EXT1: variants seen among roughly 807,000 people sequenced by gnomAD.
The protein encoded by EXT1 is exostosin glycosyltransferase 1.
EXT1 carries 20 observed loss-of-function variants against 82.5 expected under a neutral mutation model. The observed-to-expected ratio is 0.24, with a 90% CI of 0.17 to 0.35. The LOEUF is 0.35. Among genes scored for constraint, EXT1 ranks in the 10% least tolerant of loss-of-function variants. The pLI is 1.00. For missense variants in EXT1, 757 were observed against 936.5 expected (o/e 0.81, Z 2.50); for synonymous variants, 348 against 350.8 (o/e 0.99, Z 0.09).
chr8:117,987,452 G>A (rs544040337), intron 1 of EXT1, among the ~76,000 whole-genome samples: 1 of 152,358 alleles, frequency 6.6e-6, no homozygotes, highest in South Asian at 2.1e-4. Context: ...GAATGTTCCA[G>A]ACACTGGCAC....
chr8:117,826,142 T>G (rs1339733524), intron 4 of EXT1, among the ~76,000 whole-genome samples: 1 of 152,200 alleles, frequency 6.6e-6, no homozygotes, highest in Admixed American at 6.5e-5. Context: ...ATTACCAAGA[T>G]GCAGCATTAG....
chr8:117,951,761 C>G (rs1185978799), intron 1 of EXT1, among the ~76,000 whole-genome samples: 1 of 152,190 alleles, frequency 6.6e-6, no homozygotes, highest in East Asian at 1.9e-4. Context: ...ATGGCCAAAT[C>G]TGGCCTGCCA....
In EXT1 at chr8:117,799,838, C is replaced by T; in HGVS notation, c.2115G>A (p.Met705Ile). The change falls in exon 11 of 11, where the codon ATG becomes ATA. Residue 705 changes from methionine to isoleucine, a missense_variant. Physicochemically the swap from Met to Ile is conservative, Grantham distance 10. This residue lies in a region of EXT1 where 128 missense variants were observed against 223.2 expected (regional missense o/e 0.57). Transcript: ENST00000378204. ...PDHFAQRQSC[M>I]NTFASWFGYM... Reference sequence around the variant, plus strand: ...AGCCAAACCAGCTGGCAAACGTATTCATGCAGCTCTGTCGCTGGGCAAAGT... The same window carrying T: ...AGCCAAACCAGCTGGCAAACGTATTTATGCAGCTCTGTCGCTGGGCAAAGT... The T allele has an allele frequency of 1.9e-6, 3 of 1,614,202 alleles. No individual in the cohort carries two copies. In the East Asian group the frequency reaches 6.7e-5, roughly 36 times the overall value.
intron 1 of EXT1, among the ~76,000 whole-genome samples, chr8:118,054,102 C>T (rs1159136590): frequency 2.0e-5 from 3 of 152,152 alleles, no homozygotes; most frequent in African/African-American, 7.2e-5. Context: ...ACAGAGTCAT[C>T]CAGACCACAA....
At chr8:118,047,647 G>C (rs1442828193) in intron 1 of EXT1, among the ~76,000 whole-genome samples, 1 of 152,160 alleles carries the variant, frequency 6.6e-6, no homozygotes, top group African/African-American at 2.4e-5. Flanking sequence ...AAGGCCTTCA[G>C]GATAGAGAAA....
intron 3 of EXT1, among the ~76,000 whole-genome samples, chr8:117,834,597 T>C (rs1298369450): frequency 7.4e-6 from 1 of 134,278 alleles, no homozygotes; most frequent in South Asian, 2.7e-4. Context: ...AGAGTGAGAC[T>C]CCATCTCAAA....
intron 1 of EXT1, among the ~76,000 whole-genome samples, chr8:118,074,611 A>G (rs937550115): frequency 1.3e-5 from 2 of 151,066 alleles, no homozygotes; most frequent in African/African-American, 2.4e-5. Flanking sequence ...GGGTGAGAAC[A>G]TTGAATTGAG....
intron 1 of EXT1, among the ~76,000 whole-genome samples, chr8:118,079,041 A>T (rs577101250): frequency 6.6e-6 from 1 of 152,344 alleles, no homozygotes; most frequent in African/African-American, 2.4e-5. Flanking sequence ...TATATGCTAT[A>T]AAAATGTTAC....
chr8:117,854,096 A>G (rs1002402569), intron 1 of EXT1, among the ~76,000 whole-genome samples: 10 of 152,374 alleles, frequency 6.6e-5, no homozygotes, highest in African/African-American at 2.4e-4. Context: ...AAGCCCTAAG[A>G]TGACATCTTT....
intron 1 of EXT1, among the ~76,000 whole-genome samples, chr8:118,072,195 T>C (rs897939953): frequency 6.6e-5 from 10 of 152,192 alleles, no homozygotes; most frequent in African/African-American, 2.2e-4. Flanking sequence ...TTGATACCTG[T>C]AAAGCTCTTA....
chr8:118,062,508 A>G (rs1051948848), intron 1 of EXT1, among the ~76,000 whole-genome samples: 5 of 152,176 alleles, frequency 3.3e-5, no homozygotes, highest in African/African-American at 7.2e-5. Context: ...GTCTAAATAC[A>G]TGACTGAAAA....
At chr8:117,989,714 A>G (rs1480529150) in intron 1 of EXT1, among the ~76,000 whole-genome samples, 2 of 152,160 alleles carry the variant, frequency 1.3e-5, no homozygotes. Flanking sequence ...ATTTATACAA[A>G]AGAGATCCAT....
chr8:117,863,310 G>T (rs1272559491), intron 1 of EXT1, among the ~76,000 whole-genome samples: 3 of 111,718 alleles, frequency 2.7e-5, no homozygotes, highest in Admixed American at 9.6e-5. Flanking sequence ...AACGGTAGTG[G>T]TCTGATTCCA....
At chr8:118,101,137 T>A (rs2130022338) in intron 1 of EXT1, among the ~76,000 whole-genome samples, 1 of 152,294 alleles carries the variant, frequency 6.6e-6, no homozygotes, top group African/African-American at 2.4e-5. Flanking sequence ...CAAGGTACAG[T>A]CTCACATACT....
At position 118,111,494 on chromosome 8, in the gene EXT1, C is replaced by T. The variant is rs1817903152; in HGVS notation, c.-448G>A. 1.9e-6 allele frequency: 1 copy of T among 539,750 alleles called. No homozygotes were observed. The highest frequency in any genetic ancestry group is 1.9e-5 in the African/African-American group (1 of 52,720). The allele number at this position is 539,750 out of a possible 1,614,324, so 33.4% of individuals were successfully genotyped here. The stretch of plus-strand genomic sequence containing the variant: ...GGGAAGGCAACTTCAACTCATCCAC[C>T]ACTCTCCGTGCAGAGCACTCCGGTT... On this transcript the variant is annotated 5_prime_UTR_variant, in exon 1 of 11. Coordinates refer to ENST00000378204, the MANE Select transcript of EXT1 (RefSeq NM_000127.3).
In EXT1 at chr8:118,031,846, A is replaced by C. The variant is rs557530799; in HGVS notation, c.962+78239T>G. The stretch of plus-strand genomic sequence containing the variant: ...GTGGTGTACTGAAGATAACTGTTAA[A>C]TTTTCAGGAATTTTACAAGCCAATG... On this transcript the variant is annotated intron_variant, in intron 1 of 10. Transcript: ENST00000378204. Among the ~76,000 whole-genome samples the C allele has an allele frequency of 1.7e-4, 26 of 152,072 alleles. No homozygotes were observed. In the South Asian group the frequency reaches 4.0e-3, roughly 23 times the overall value.
At chr8:117,940,817 C>CGTGT (rs1265581583) in intron 1 of EXT1, among the ~76,000 whole-genome samples, 1 of 152,164 alleles carries the variant, frequency 6.6e-6, no homozygotes, top group South Asian at 2.1e-4. Context: ...TGGCATCCTG[C>CGTGT]GTGTATTCCT....
intron 1 of EXT1, among the ~76,000 whole-genome samples, chr8:117,919,038 T>C (rs548382783): frequency 6.6e-6 from 1 of 152,122 alleles, no homozygotes; most frequent in East Asian, 1.9e-4. Flanking sequence ...CAGAATTCAA[T>C]ACAGCTTACC....
chr8:117,965,581 T>G (rs977002091), intron 1 of EXT1, among the ~76,000 whole-genome samples: 11 of 152,136 alleles, frequency 7.2e-5, no homozygotes, highest in African/African-American at 2.4e-4. Flanking sequence ...ACTTTAGAAC[T>G]TAAAGGATAG....
Sources: gnomAD v4.1 joint callset for allele counts (sites outside exome capture counted in the v4.1 genomes callset) on GRCh38, gnomAD v4.1.1 for gene constraint, gnomAD v4.1.1 regional missense constraint, MANE v1.5 for transcripts, NCBI Gene and HGNC (gene_info 2026-07-23, HGNC 2026-07-21) for gene names.